SLC35F4: variants seen among roughly 807,000 people sequenced by gnomAD.
SLC35F4 encodes the protein solute carrier family 35 member F4.
SLC35F4 carries 24 observed loss-of-function variants against 44.2 expected under a neutral mutation model. The observed-to-expected ratio is 0.54, with a 90% CI of 0.39 to 0.76. The LOEUF is 0.76. SLC35F4 is among the 30% of genes least tolerant of loss of function. SLC35F4 has a pLI of 0.00. For missense variants in SLC35F4, 562 were observed against 586.1 expected (o/e 0.96, Z 0.42); for synonymous variants, 238 against 223.6 (o/e 1.06, Z -0.57).
At chr14:57,775,055 G>T (rs766876346) in intron 1 of SLC35F4, among the ~76,000 whole-genome samples, 1 of 152,074 alleles carries the variant, frequency 6.6e-6, no homozygotes, top group Non-Finnish European at 1.5e-5. Flanking sequence ...GCAAAACAAG[G>T]CATGGAGAAC....
chr14:57,692,759 C>T (rs142520804), intron 1 of SLC35F4, among the ~76,000 whole-genome samples: 5 of 151,980 alleles, frequency 3.3e-5, no homozygotes, highest in African/African-American at 1.2e-4. Flanking sequence ...GAAGGAGATA[C>T]AATTTAACTG....
At chr14:57,566,796 G>A (rs983685064) in intron 6 of SLC35F4, among the ~76,000 whole-genome samples, 1 of 152,162 alleles carries the variant, frequency 6.6e-6, no homozygotes, top group Non-Finnish European at 1.5e-5. Context: ...CTGGCAAAAG[G>A]TATATGGACA....
At chr14:57,621,522 C>G (rs1181939390) in intron 1 of SLC35F4, among the ~76,000 whole-genome samples, 2 of 152,144 alleles carry the variant, frequency 1.3e-5, no homozygotes, top group Non-Finnish European at 2.9e-5. Flanking sequence ...TACATATCTA[C>G]AACTATCTGA....
At chr14:57,701,395 A>T (rs997970275) in intron 1 of SLC35F4, among the ~76,000 whole-genome samples, 1 of 152,196 alleles carries the variant, frequency 6.6e-6, no homozygotes, top group African/African-American at 2.4e-5. Context: ...AAATGAGTAA[A>T]AGTAGTACAC....
chr14:57,959,024 A>G (rs1204513305), intron 1 of SLC35F4, among the ~76,000 whole-genome samples: 1 of 152,214 alleles, frequency 6.6e-6, no homozygotes, highest in African/African-American at 2.4e-5. Context: ...TGTGGCAGGG[A>G]CAGGAACAAG....
In SLC35F4 at chr14:57,882,168, T is replaced by A. The variant is rs554258136; in HGVS notation, n.282+99745A>T. ...CATGCTAGCTCCGATCTCAGCTTCC[T>A]CCTGGATCCATCCCCCTTCCCCCTG... On this transcript the variant is annotated intron_variant and non_coding_transcript_variant, in intron 1 of 1. Transcript: ENST00000556568. 7.2e-5 allele frequency among the ~76,000 whole-genome samples: 11 copies of A among 152,290 alleles called. No homozygotes were observed. The South Asian group carries it at 2.3e-3, about 32-fold the overall frequency.
At chr14:57,570,907 A>G (rs181523715) in intron 5 of SLC35F4, among the ~76,000 whole-genome samples, 13 of 152,268 alleles carry the variant, frequency 8.5e-5, no homozygotes, top group African/African-American at 7.2e-5. Flanking sequence ...CTTTGGTCAC[A>G]TCAGACATCT....
At chr14:57,653,899 T>C (rs998526977) in intron 1 of SLC35F4, among the ~76,000 whole-genome samples, 1 of 152,174 alleles carries the variant, frequency 6.6e-6, no homozygotes, top group African/African-American at 2.4e-5. Context: ...ATTGATACAG[T>C]TGGTTCCTTC....
chr14:57,757,070 T>C (rs536150969), intron 1 of SLC35F4, among the ~76,000 whole-genome samples: 1 of 152,278 alleles, frequency 6.6e-6, no homozygotes, highest in East Asian at 1.9e-4. Flanking sequence ...TATTTTGAAG[T>C]TCTATTATTA....
At chr14:57,836,716 CT>C (rs933002440) in intron 1 of SLC35F4, among the ~76,000 whole-genome samples, 4 of 152,016 alleles carry the variant, frequency 2.6e-5, no homozygotes, top group African/African-American at 9.7e-5. Context: ...ATCTTGTTTC[CT>C]TTGTACTCCC....
intron 1 of SLC35F4, among the ~76,000 whole-genome samples, chr14:57,943,805 G>T (rs1168764879): frequency 1.3e-5 from 2 of 152,200 alleles, no homozygotes; most frequent in Non-Finnish European, 2.9e-5. Context: ...AATATCCCCA[G>T]TGGTCCCTCC....
In SLC35F4 at chr14:57,581,294, A is replaced by G. The variant is rs1165145374; in HGVS notation, c.727T>C (p.Ser243Pro). 1 of 1,613,634 alleles carries G rather than the reference A, an allele frequency of 6.2e-7. No individual in the cohort carries two copies. The highest frequency in any genetic ancestry group is 1.3e-5 in the African/African-American group (1 of 74,930). ...GCTTTGTTACAACAGAACAGAGCGG[A>G]GACATCCGTGGCCGTCAGCTTCTTT... ...ALKKLTATDV[S>P]ALFCCNKAFV... The change falls in exon 4 of 8, where the codon TCC (serine) becomes CCC (proline). Residue 243 changes from serine (S) to proline (P), a missense_variant. Physicochemically the swap from Ser to Pro is moderately conservative, Grantham distance 74. Coordinates refer to ENST00000556826, the MANE Select transcript of SLC35F4 (RefSeq NM_001306087.2).
At chr14:57,607,178 T>A (rs918410755) in intron 1 of SLC35F4, among the ~76,000 whole-genome samples, 1 of 152,184 alleles carries the variant, frequency 6.6e-6, no homozygotes, top group Admixed American at 6.5e-5. Context: ...GAAGTGGGCT[T>A]TTAAACTGTA....
intron 3 of SLC35F4, among the ~76,000 whole-genome samples, chr14:57,582,852 A>C (rs1280245210): frequency 6.6e-6 from 1 of 152,234 alleles, no homozygotes; most frequent in Non-Finnish European, 1.5e-5. Context: ...ACCCCAAAAA[A>C]GGACCACGTG....
In SLC35F4 at chr14:57,648,596, A is replaced by G. The variant is rs1594700328; in HGVS notation, c.104-54472T>C. Reference sequence around the variant, plus strand: ...TTGAGAGGCTTCTCTGCAAAACTATATTCCTCTCCCCTTTTCTTATTTTTT... The same window carrying G: ...TTGAGAGGCTTCTCTGCAAAACTATGTTCCTCTCCCCTTTTCTTATTTTTT... On this transcript the variant is annotated intron_variant, in intron 1 of 7. Coordinates refer to ENST00000556826, the MANE Select transcript of SLC35F4 (RefSeq NM_001306087.2). Among the ~76,000 whole-genome samples the G allele has an allele frequency of 2.0e-5, 3 of 152,310 alleles. No individual in the cohort carries two copies. The East Asian group carries it at 5.8e-4, about 29-fold the overall frequency.
At chr14:57,845,982 A>C (rs1282529668) in intron 1 of SLC35F4, among the ~76,000 whole-genome samples, 1 of 152,226 alleles carries the variant, frequency 6.6e-6, no homozygotes, top group Non-Finnish European at 1.5e-5. Context: ...ATGAGTAATA[A>C]GGCCATTGAA....
intron 1 of SLC35F4, among the ~76,000 whole-genome samples, chr14:57,777,744 T>C (rs967376448): frequency 5.3e-5 from 8 of 152,028 alleles, no homozygotes; most frequent in Non-Finnish European, 8.8e-5. Flanking sequence ...CAAATCTGCA[T>C]GTTGTACACA....
chr14:57,810,261 G>A (rs1046096543), intron 1 of SLC35F4, among the ~76,000 whole-genome samples: 4 of 152,166 alleles, frequency 2.6e-5, no homozygotes, highest in Non-Finnish European at 5.9e-5. Flanking sequence ...TTTCTGACCT[G>A]TGTCCCACCC....
At chr14:57,651,078 C>T (rs556209360) in intron 1 of SLC35F4, among the ~76,000 whole-genome samples, 3 of 152,276 alleles carry the variant, frequency 2.0e-5, no homozygotes, top group Admixed American at 2.0e-4. Context: ...AAACCATTTT[C>T]CTCATCAGTG....
Sources: allele counts gnomAD v4.1 joint callset (sites outside exome capture counted in the v4.1 genomes callset), GRCh38; gene constraint gnomAD v4.1.1; transcripts MANE v1.5; gene names NCBI Gene and HGNC (gene_info 2026-07-23, HGNC 2026-07-21).